The following CSMD1 variants were observed in gnomAD, a reference collection of about 807,000 sequenced individuals.
The protein encoded by CSMD1 is CUB and Sushi multiple domains 1.
A neutral mutation model predicts 417.5 loss-of-function variants in CSMD1; 213 were observed. The observed-to-expected ratio is 0.51, with a 90% CI of 0.46 to 0.57. The LOEUF is 0.57. Among genes scored for constraint, CSMD1 ranks in the 20% least tolerant of loss-of-function variants. The pLI, the probability that CSMD1 is intolerant of heterozygous loss-of-function variation, is 0.00. For synonymous variants in CSMD1, 2,862 were observed against 1,736.8 expected, an observed-to-expected ratio of 1.65 and a Z score of -16.11; for missense variants, 6,923 against 4,529.7, an observed-to-expected ratio of 1.53 and a Z score of -15.17.
At chr8:3,385,021 T>A (rs1387967169) in intron 18 of CSMD1, among the ~76,000 whole-genome samples, 2 of 1,310 alleles carry the variant, frequency 1.5e-3, no homozygotes, top group South Asian at 0.17. Context: ...ATATATAATA[T>A]ATAAATATAA....
At chr8:4,438,138 G>C (rs1219178699) in intron 2 of CSMD1, among the ~76,000 whole-genome samples, 2 of 152,140 alleles carry the variant, frequency 1.3e-5, no homozygotes, top group African/African-American at 2.4e-5. Context: ...GAAAAGAATT[G>C]AGTGTGCTTC....
intron 41 of CSMD1, among the ~76,000 whole-genome samples, chr8:3,126,075 G>A (rs1417242475): frequency 1.3e-5 from 2 of 152,218 alleles, no homozygotes; most frequent in African/African-American, 4.8e-5. Context: ...CAAAATAGGT[G>A]AGGCACCCTG....
At chr8:4,567,521 G>A (rs1486320553) in intron 2 of CSMD1, among the ~76,000 whole-genome samples, 1 of 152,056 alleles carries the variant, frequency 6.6e-6, no homozygotes, top group Non-Finnish European at 1.5e-5. Flanking sequence ...GAAATCGCAG[G>A]TAGACTGTGA....
intron 7 of CSMD1, among the ~76,000 whole-genome samples, chr8:3,674,712 A>T (rs1026571619): frequency 1.3e-5 from 2 of 152,194 alleles, no homozygotes; most frequent in Non-Finnish European, 2.9e-5. Flanking sequence ...TGAGAGCCCC[A>T]GTCTTGCTGA....
intron 23 of CSMD1, among the ~76,000 whole-genome samples, chr8:3,319,968 T>C (rs2117471470): frequency 6.6e-6 from 1 of 152,326 alleles, no homozygotes; most frequent in Non-Finnish European, 1.5e-5. Context: ...CACCTTAGAC[T>C]TAAGTCTCTA....
chr8:3,055,489 C>T (rs1240996639), intron 49 of CSMD1, among the ~76,000 whole-genome samples: 1 of 152,194 alleles, frequency 6.6e-6, no homozygotes, highest in Admixed American at 6.5e-5. Flanking sequence ...AAATCAGGCT[C>T]ATGGGATGAA....
At chr8:4,156,045 C>G (rs1319565780) in intron 3 of CSMD1, among the ~76,000 whole-genome samples, 1 of 152,204 alleles carries the variant, frequency 6.6e-6, no homozygotes, top group South Asian at 2.1e-4. Context: ...AGATGAGCTC[C>G]ATAGATTCCT....
chr8:3,467,360 G>C (rs1299808187), intron 12 of CSMD1, among the ~76,000 whole-genome samples: 1 of 152,128 alleles, frequency 6.6e-6, no homozygotes, highest in East Asian at 1.9e-4. Context: ...TTCTACCAAA[G>C]GCAGCAGCAA....
At chr8:4,027,149 G>A (rs1477991934) in intron 4 of CSMD1, among the ~76,000 whole-genome samples, 2 of 152,174 alleles carry the variant, frequency 1.3e-5, no homozygotes, top group African/African-American at 2.4e-5. Flanking sequence ...ACACTACCAG[G>A]TGGAATTGCA....
intron 2 of CSMD1, among the ~76,000 whole-genome samples, chr8:4,451,337 A>C (rs1226297898): frequency 6.6e-6 from 1 of 152,182 alleles, no homozygotes; most frequent in Non-Finnish European, 1.5e-5. Flanking sequence ...GCAACAAAGC[A>C]AGACCCTGAC....
intron 26 of CSMD1, among the ~76,000 whole-genome samples, chr8:3,267,199 C>A (rs1416359602): frequency 1.3e-5 from 2 of 152,062 alleles, no homozygotes; most frequent in Non-Finnish European, 2.9e-5. Context: ...GTCAGAATTC[C>A]CAGGTAACAG....
At chr8:3,362,770 C>T (rs1483059928) in intron 20 of CSMD1, among the ~76,000 whole-genome samples, 1 of 151,376 alleles carries the variant, frequency 6.6e-6, no homozygotes, top group Non-Finnish European at 1.5e-5. Context: ...AAAATCTTGA[C>T]CCCACTCTGT....
intron 2 of CSMD1, among the ~76,000 whole-genome samples, chr8:4,515,938 C>T (rs995378350): frequency 3.3e-5 from 5 of 152,124 alleles, no homozygotes; most frequent in Admixed American, 6.6e-5. Flanking sequence ...CCATTTAGAG[C>T]CTGCCTGCTT....
intron 3 of CSMD1, among the ~76,000 whole-genome samples, chr8:4,109,991 C>A (rs1162073648): frequency 6.6e-6 from 1 of 152,128 alleles, no homozygotes; most frequent in South Asian, 2.1e-4. Flanking sequence ...ACTAGAACCA[C>A]AGAATCATCC....
At chr8:4,977,991 G>A (rs938915785) in intron 1 of CSMD1, among the ~76,000 whole-genome samples, 2 of 152,166 alleles carry the variant, frequency 1.3e-5, no homozygotes, top group Non-Finnish European at 2.9e-5. Context: ...AGGTTTCCCT[G>A]TTGATGTGTG....
intron 8 of CSMD1, among the ~76,000 whole-genome samples, chr8:3,600,910 C>G (rs891911242): frequency 6.6e-6 from 1 of 151,980 alleles, no homozygotes; most frequent in Non-Finnish European, 1.5e-5. Context: ...AATGGTTTTG[C>G]TATGTGATTG....
Position 4,228,989 on chromosome 8 carries a change from G to A in CSMD1, c.415+190964C>T, listed in dbSNP as rs142959392. ...GCCAGGACCCCTGATTTTAAAGCGC[G>A]AACCTGGACTTTTCCATGAAATTGA... On this transcript the variant is annotated intron_variant, in intron 3 of 69. Transcript: ENST00000635120. 2.7e-3 allele frequency among the ~76,000 whole-genome samples: 411 copies of A among 152,148 alleles called. 3 individuals are homozygous for A. The highest frequency in any genetic ancestry group is 9.7e-3 in the African/African-American group (401 of 41,518).
chr8:4,584,134 G>T (rs997768360), intron 2 of CSMD1, among the ~76,000 whole-genome samples: 27 of 151,994 alleles, frequency 1.8e-4, no homozygotes, highest in Admixed American at 1.6e-3. Context: ...AACGTCAGAA[G>T]GAACAAACTC....
intron 10 of CSMD1, among the ~76,000 whole-genome samples, chr8:3,554,331 A>C (rs1240265419): frequency 6.6e-6 from 1 of 152,224 alleles, no homozygotes; most frequent in African/African-American, 2.4e-5. Flanking sequence ...AAGAGTGAGA[A>C]ATAACTACAG....
Sources: allele counts gnomAD v4.1 joint callset (sites outside exome capture counted in the v4.1 genomes callset), GRCh38; gene constraint gnomAD v4.1.1; transcripts MANE v1.5; gene names NCBI Gene and HGNC (gene_info 2026-07-23, HGNC 2026-07-21).